SPOCK3: variants seen among roughly 807,000 people sequenced by gnomAD.
SPOCK3 encodes the protein SPARC (osteonectin), cwcv and kazal like domains proteoglycan 3.
Under a neutral mutation model 56.6 loss-of-function variants are expected in SPOCK3, and 30 were observed. That is an observed-to-expected ratio of 0.53 (90% CI 0.40 to 0.72). The LOEUF is 0.72. Ranked by LOEUF, SPOCK3 falls within the 30% of genes least tolerant of loss-of-function variation. The probability of loss-of-function intolerance (pLI) is 0.00; values close to 1 mark genes in which losing one functional copy is unlikely to be tolerated. For synonymous variants in SPOCK3, 196 were observed against 183.3 expected (o/e 1.07, Z -0.56); for missense variants, 527 against 530.0 (o/e 0.99, Z 0.06).
intron 2 of SPOCK3, among the ~76,000 whole-genome samples, chr4:167,201,695 T>G (rs1200722127): frequency 6.6e-6 from 1 of 151,836 alleles, no homozygotes; most frequent in African/African-American, 2.4e-5. Flanking sequence ...TTTTTCTTCT[T>G]TAATGACTAC....
At chr4:166,855,722 A>G (rs897514) in intron 6 of SPOCK3, among the ~76,000 whole-genome samples, 102,568 of 151,986 alleles carry the variant, frequency 0.67, 34,689 homozygotes, top group Non-Finnish European at 0.69. Flanking sequence ...AGAATCACTC[A>G]GAGGGTAATT....
Position 166,764,912 on chromosome 4 carries a change from G to A in SPOCK3, c.710-10183C>T, listed in dbSNP as rs555562550. On this transcript the variant is annotated intron_variant, in intron 7 of 10. Coordinates refer to ENST00000357545, the MANE Select transcript of SPOCK3 (RefSeq NM_001040159.2). ...TGGTGTGAGATGGTATCTCATTGTG[G>A]TTTTGATTTGCATTTCTCTGATGAC... 4.0e-3 allele frequency among the ~76,000 whole-genome samples: 609 copies of A among 151,888 alleles called. 5 individuals are homozygous for A. The highest frequency in any genetic ancestry group is 6.4e-3 in the Non-Finnish European group (437 of 67,932).
intron 7 of SPOCK3, among the ~76,000 whole-genome samples, chr4:166,780,578 T>C (rs1740053106): frequency 2.0e-5 from 3 of 152,088 alleles, no homozygotes; most frequent in Admixed American, 1.3e-4. Context: ...TCTCTAGATA[T>C]AGGTGAGGAT....
chr4:167,182,943 G>A (rs1346143036), intron 2 of SPOCK3, among the ~76,000 whole-genome samples: 1 of 152,126 alleles, frequency 6.6e-6, no homozygotes, highest in Non-Finnish European at 1.5e-5. Flanking sequence ...CAAAGCAGGT[G>A]CCTATCCCTT....
intron 3 of SPOCK3, among the ~76,000 whole-genome samples, chr4:167,023,458 TA>T (rs557468581): frequency 3.4e-4 from 50 of 147,154 alleles, no homozygotes; most frequent in African/African-American, 6.5e-4. Flanking sequence ...CACACTAGGT[TA>T]AAAAAAAAAG....
At chr4:167,107,217 C>A (rs1330321921) in intron 2 of SPOCK3, among the ~76,000 whole-genome samples, 2 of 151,860 alleles carry the variant, frequency 1.3e-5, no homozygotes, top group Non-Finnish European at 2.9e-5. Flanking sequence ...AACTACAAGC[C>A]AATATTCCTG....
At chr4:167,173,070 T>C (rs1410019376) in intron 2 of SPOCK3, among the ~76,000 whole-genome samples, 2 of 152,146 alleles carry the variant, frequency 1.3e-5, no homozygotes, top group Non-Finnish European at 2.9e-5. Context: ...ACGAGGCATT[T>C]GCAGTCCAGG....
intron 3 of SPOCK3, among the ~76,000 whole-genome samples, chr4:167,012,773 A>T (rs1192653804): frequency 6.6e-6 from 1 of 152,020 alleles, no homozygotes; most frequent in Non-Finnish European, 1.5e-5. Context: ...AATCGTTTTA[A>T]TGTTTAATAA....
intron 5 of SPOCK3, among the ~76,000 whole-genome samples, chr4:166,893,769 T>G (rs866314584): frequency 6.6e-6 from 1 of 152,178 alleles, no homozygotes; most frequent in Non-Finnish European, 1.5e-5. Flanking sequence ...TTCCCCATTT[T>G]AATCTATCTT....
chr4:167,078,973 G>A (rs78729628), intron 2 of SPOCK3, among the ~76,000 whole-genome samples: 3,054 of 151,566 alleles, frequency 0.02, 44 homozygotes, highest in Non-Finnish European at 0.031. Flanking sequence ...AAATAGGAGA[G>A]CAGTTTTACA....
chr4:167,016,331 A>G (rs1484891988), intron 3 of SPOCK3, among the ~76,000 whole-genome samples: 1 of 152,136 alleles, frequency 6.6e-6, no homozygotes, highest in African/African-American at 2.4e-5. Flanking sequence ...AAAGTATTTC[A>G]GGGTTGATCA....
intron 4 of SPOCK3, among the ~76,000 whole-genome samples, chr4:166,936,296 T>G (rs1317956651): frequency 6.6e-6 from 1 of 152,138 alleles, no homozygotes; most frequent in Non-Finnish European, 1.5e-5. Context: ...TCTTGTCTGA[T>G]TTTAATTTAA....
intron 2 of SPOCK3, among the ~76,000 whole-genome samples, chr4:167,157,135 A>T (rs1455470971): frequency 6.6e-6 from 1 of 152,048 alleles, no homozygotes; most frequent in Non-Finnish European, 1.5e-5. Context: ...TTAACAATCT[A>T]TGAAACAGAT....
Position 166,754,516 on chromosome 4 carries a change from C to G in SPOCK3, c.923G>C (p.Arg308Thr), listed in dbSNP as rs756493785. The change falls in exon 8 of 11, where the codon AGA (arginine) becomes ACA (threonine). Residue 308 changes from arginine (R) to threonine (T), a missense_variant. Transcript: ENST00000357545. The part of the protein sequence containing the change: ...SNNEWCYCFQ[R>T]QQDPPCQTEL... ...AGGGTCTCATCTTTTACCTTGCTGT[C>G]TCTGGAAGCAGTAGCACCACTCATT... The G allele has an allele frequency of 1.2e-6, 2 of 1,612,368 alleles. No homozygotes were observed. The highest frequency in any genetic ancestry group is 8.5e-7 in the Non-Finnish European group (1 of 1,179,090).
chr4:166,999,329 GTACAACAGGGTGTTATGTATATGTCCTCT>G (rs1323502370), intron 4 of SPOCK3, among the ~76,000 whole-genome samples: 12 of 152,112 alleles, frequency 7.9e-5, no homozygotes, highest in Non-Finnish European at 1.3e-4. Flanking sequence ...CTTTTGGCAT[GTACAACAGGGTGTTATGTATATGTCCTCT>G]TACATTATGA....
intron 4 of SPOCK3, among the ~76,000 whole-genome samples, chr4:166,953,792 G>A (rs1317952750): frequency 6.6e-6 from 1 of 151,896 alleles, no homozygotes; most frequent in Non-Finnish European, 1.5e-5. Context: ...GTAGGGACAT[G>A]GATGAAATTG....
At chr4:167,169,731 G>A (rs906924530) in intron 2 of SPOCK3, among the ~76,000 whole-genome samples, 2 of 137,508 alleles carry the variant, frequency 1.5e-5, no homozygotes, top group Admixed American at 7.5e-5. Flanking sequence ...AGGGTCCAGG[G>A]GAGGAATAAA....
intron 2 of SPOCK3, among the ~76,000 whole-genome samples, chr4:167,188,835 G>A (rs76895998): frequency 0.091 from 13,238 of 145,682 alleles, 1,755 homozygotes; most frequent in Middle Eastern, 0.18. Context: ...GCCAATAAAT[G>A]CAACAGTTTA....
intron 3 of SPOCK3, among the ~76,000 whole-genome samples, chr4:167,015,800 C>T (rs764286348): frequency 8.5e-5 from 13 of 152,088 alleles, no homozygotes; most frequent in Non-Finnish European, 1.5e-4. Flanking sequence ...ATAGCCCTTT[C>T]GGTAACCTTA....
Sources: allele counts gnomAD v4.1 joint callset (sites outside exome capture counted in the v4.1 genomes callset), GRCh38; gene constraint gnomAD v4.1.1; transcripts MANE v1.5; gene names NCBI Gene and HGNC (gene_info 2026-07-23, HGNC 2026-07-21).